The following FSD2 variants were observed in gnomAD, a reference collection of about 807,000 sequenced individuals.
FSD2 encodes fibronectin type III and SPRY domain containing 2.
In FSD2, 71 loss-of-function variants were observed where a neutral mutation model predicts 80.4. The observed-to-expected ratio is 0.88, with a 90% confidence interval of 0.73 to 1.08. The LOEUF (loss-of-function observed/expected upper bound fraction) is 1.08. Ranked by LOEUF, FSD2 falls within the 50% of genes least tolerant of loss-of-function variation. The pLI is 0.00. For missense variants in FSD2, 923 were observed against 913.8 expected, an observed-to-expected ratio of 1.01 and a Z score of -0.13; for synonymous variants, 361 against 329.5, an observed-to-expected ratio of 1.10 and a Z score of -1.03.
At chr15:82,760,929 C>T (rs923608889) in intron 12 of FSD2, among the ~76,000 whole-genome samples, 1 of 152,182 alleles carries the variant, frequency 6.6e-6, no homozygotes, top group African/African-American at 2.4e-5. Context: ...TAGTTTTACT[C>T]TGCCCCTTGT....
At chr15:82,799,975 G>A (rs181581736) in intron 1 of FSD2, among the ~76,000 whole-genome samples, 1 of 152,308 alleles carries the variant, frequency 6.6e-6, no homozygotes, top group Non-Finnish European at 1.5e-5. Context: ...ATGAATGTCT[G>A]TGATGTCCTG....
intron 1 of FSD2, among the ~76,000 whole-genome samples, chr15:82,795,366 T>C (rs909657711): frequency 6.6e-6 from 1 of 152,172 alleles, no homozygotes; most frequent in African/African-American, 2.4e-5. Context: ...TACAAAATAA[T>C]ATAACACGCC....
At chr15:82,780,336 TC>T (rs1272709287) in intron 4 of FSD2, 69 bp from the exon 5 acceptor site, 5 of 1,167,594 alleles carry the variant, frequency 4.3e-6, no homozygotes, top group Non-Finnish European at 4.8e-6. Context: ...TTTCTTTCTT[TC>T]TTTTTTTTTT....
At chr15:82,780,122 T>C in intron 5 of FSD2, 123 bp downstream of exon 5, 1 of 673,304 alleles carries the variant, frequency 1.5e-6, no homozygotes, top group Non-Finnish European at 2.5e-6. Flanking sequence ...CCAGTGCTAA[T>C]TTAATCAGGA....
At chr15:82,770,866 A>G (rs752687633) in intron 7 of FSD2, among the ~76,000 whole-genome samples, 9 of 152,122 alleles carry the variant, frequency 5.9e-5, no homozygotes, top group Non-Finnish European at 1.3e-4. Context: ...GTCAGTTTGA[A>G]AGATCTTTAT....
chr15:82,777,769 C>T (rs2049746834), intron 6 of FSD2, among the ~76,000 whole-genome samples: 1 of 150,680 alleles, frequency 6.6e-6, no homozygotes, highest in African/African-American at 2.4e-5. Context: ...ATCACTTGAA[C>T]CTGGGAGGTG....
chr15:82,782,104 T>TAATAATAATAATAAA (rs749972634), intron 4 of FSD2, among the ~76,000 whole-genome samples: 1,262 of 118,816 alleles, frequency 0.011, 17 homozygotes, highest in East Asian at 0.026. Flanking sequence ...ATAATAATAA[T>TAATAATAATAATAAA]AAAACTCTTG....
At chr15:82,770,944 T>C (rs1319307563) in intron 7 of FSD2, among the ~76,000 whole-genome samples, 1 of 152,146 alleles carries the variant, frequency 6.6e-6, no homozygotes, top group Non-Finnish European at 1.5e-5. Flanking sequence ...ACAGGGTTGA[T>C]TTGTGGCAAA....
At chr15:82,797,913 GAA>G (rs1157081845) in intron 1 of FSD2, among the ~76,000 whole-genome samples, 2 of 151,872 alleles carry the variant, frequency 1.3e-5, no homozygotes, top group Non-Finnish European at 2.9e-5. Context: ...TCATCCAAAA[GAA>G]AAAAAGAGTT....
intron 7 of FSD2, among the ~76,000 whole-genome samples, chr15:82,770,255 C>T (rs1451417776): frequency 6.6e-6 from 1 of 152,224 alleles, no homozygotes; most frequent in African/African-American, 2.4e-5. Flanking sequence ...GGAGAGAGAC[C>T]CCAGCTGCCC....
intron 8 of FSD2, 105 bp downstream of exon 8, chr15:82,769,645 C>T (rs1323159161): frequency 1.5e-6 from 2 of 1,336,258 alleles, no homozygotes; most frequent in African/African-American, 1.5e-5. Context: ...CACAGCTCTT[C>T]CTACCCTTCT....
At chr15:82,796,271 G>C (rs1341084594) in intron 1 of FSD2, 1 of 153,922 alleles carries the variant, frequency 6.5e-6, no homozygotes, top group African/African-American at 2.4e-5. Flanking sequence ...AAAGTGCTGG[G>C]ATTAGAGGCG....
intron 6 of FSD2, among the ~76,000 whole-genome samples, chr15:82,777,558 A>G (rs2049743188): frequency 6.6e-6 from 1 of 152,302 alleles, no homozygotes; most frequent in South Asian, 2.1e-4. Flanking sequence ...TCAAAAAGTG[A>G]AAGGAGGCCG....
intron 5 of FSD2, among the ~76,000 whole-genome samples, chr15:82,779,144 C>T (rs1339714231): frequency 6.6e-6 from 1 of 152,030 alleles, no homozygotes; most frequent in Non-Finnish European, 1.5e-5. Context: ...GGGTAGAGGG[C>T]GATCTGCCAA....
At chr15:82,785,613 C>T (rs142208182) in intron 3 of FSD2, among the ~76,000 whole-genome samples, 433 of 152,196 alleles carry the variant, frequency 2.8e-3, no homozygotes, top group African/African-American at 9.8e-3. Flanking sequence ...CGTTAGCCAC[C>T]GTGCCCAGCC....
chr15:82,786,683 T>C, intron 2 of FSD2, 69 bp downstream of exon 2: 1 of 1,607,094 alleles, frequency 6.2e-7, no homozygotes, highest in Non-Finnish European at 8.5e-7. Flanking sequence ...TTTAGATTTA[T>C]TCCCTGCGTA....
intron 5 of FSD2, 128 bp downstream of exon 5, chr15:82,780,117 G>A (rs545701587): frequency 3.1e-6 from 2 of 650,110 alleles, no homozygotes; most frequent in East Asian, 6.4e-5. Flanking sequence ...CAAAGCCAGT[G>A]CTAATTTAAT....
At chr15:82,782,065 A>AAATAATAATAAT (rs71455428) in intron 4 of FSD2, among the ~76,000 whole-genome samples, 7,508 of 106,902 alleles carry the variant, frequency 0.07, 295 homozygotes, top group Non-Finnish European at 0.078. Context: ...CTCCATCTCA[A>AAATAATAATAAT]AATAATAATA....
chr15:82,779,290 T>G (rs2049794918), intron 5 of FSD2, among the ~76,000 whole-genome samples: 1 of 152,142 alleles, frequency 6.6e-6, no homozygotes, highest in Admixed American at 6.6e-5. Flanking sequence ...TCAAGTGCCC[T>G]CAAGTTGCTG....
Sources: allele counts gnomAD v4.1 joint callset (sites outside exome capture counted in the v4.1 genomes callset), GRCh38; gene constraint gnomAD v4.1.1; transcripts MANE v1.5; gene names NCBI Gene and HGNC (gene_info 2026-07-23, HGNC 2026-07-21).